FSTL5: variants seen among roughly 807,000 people sequenced by gnomAD.
FSTL5 encodes the protein follistatin like 5, also known as follistatin-related protein 5.
A neutral mutation model predicts 89.1 loss-of-function variants in FSTL5; 62 were observed. That is an observed-to-expected ratio of 0.70 (90% confidence interval 0.57 to 0.86). The LOEUF is 0.86. Ranked by LOEUF, FSTL5 falls within the 40% of genes least tolerant of loss-of-function variation. The pLI, the probability that FSTL5 is intolerant of heterozygous loss-of-function variation, is 0.00. For synonymous variants in FSTL5, 383 were observed against 346.2 expected (o/e 1.11, Z -1.18); for missense variants, 1,057 against 1,001.6 (o/e 1.06, Z -0.75).
chr4:161,514,511 G>A (rs577075819), intron 10 of FSTL5, among the ~76,000 whole-genome samples: 3 of 152,124 alleles, frequency 2.0e-5, no homozygotes, highest in Non-Finnish European at 4.4e-5. Flanking sequence ...TGGGTACAAT[G>A]TTTACTATTC....
At chr4:161,835,590 C>T (rs1044438314) in intron 4 of FSTL5, among the ~76,000 whole-genome samples, 2 of 151,852 alleles carry the variant, frequency 1.3e-5, no homozygotes, top group Non-Finnish European at 2.9e-5. Context: ...CTACAATGAA[C>T]TCAAACAAAT....
At chr4:161,405,924 T>A (rs906623354) in intron 15 of FSTL5, among the ~76,000 whole-genome samples, 1 of 152,116 alleles carries the variant, frequency 6.6e-6, no homozygotes, top group African/African-American at 2.4e-5. Flanking sequence ...GAATTCCATA[T>A]CTCACAAAAC....
chr4:161,732,390 A>T (rs758574395), intron 6 of FSTL5, among the ~76,000 whole-genome samples: 12 of 152,006 alleles, frequency 7.9e-5, no homozygotes, highest in Non-Finnish European at 1.5e-4. Context: ...TTCTTTTTTA[A>T]ATGAAGTATT....
chr4:161,473,770 T>G (rs938801047), intron 13 of FSTL5, among the ~76,000 whole-genome samples: 2 of 152,180 alleles, frequency 1.3e-5, no homozygotes, highest in Non-Finnish European at 1.5e-5. Context: ...TATATTAGTA[T>G]AGTTACCTCT....
chr4:161,930,489 C>T (rs1182174322), intron 3 of FSTL5, among the ~76,000 whole-genome samples: 1 of 150,910 alleles, frequency 6.6e-6, no homozygotes, highest in African/African-American at 2.5e-5. Flanking sequence ...AATATTATAT[C>T]AGTCATTTTT....
rs372380114 is a variant in FSTL5 at position 161,455,136 on chromosome 4, G to T, written c.1717-8C>A. ...ACTGGCCAGGGTAATTACCTAAAGA[G>T]AACACACCTTGGTTAGACCTCAACA... On this transcript the variant is annotated splice_polypyrimidine_tract_variant and splice_region_variant and intron_variant, in intron 14 of 15. Coordinates refer to ENST00000306100, the MANE Select transcript of FSTL5 (RefSeq NM_020116.5). The T allele has an allele frequency of 1.5e-4, 245 of 1,594,708 alleles. 6 individuals are homozygous for T. In the Middle Eastern group the frequency reaches 9.4e-3, roughly 61 times the overall value.
At chr4:161,687,186 A>G (rs1398190455) in intron 6 of FSTL5, among the ~76,000 whole-genome samples, 2 of 152,228 alleles carry the variant, frequency 1.3e-5, no homozygotes, top group Non-Finnish European at 2.9e-5. Context: ...TGATTTAAGA[A>G]CAATGGCTAG....
intron 7 of FSTL5, among the ~76,000 whole-genome samples, chr4:161,598,735 G>T (rs1161370603): frequency 6.6e-6 from 1 of 151,960 alleles, no homozygotes. Flanking sequence ...GAGAAAGATT[G>T]GTCTATTAAG....
rs59511238 is a variant in FSTL5, at chr4:161,566,100, CTATATATATATATATATATA to C, written c.1015+21335_1015+21354del. On this transcript the variant is annotated intron_variant, in intron 8 of 15. Transcript: ENST00000306100. Reference sequence around the variant, plus strand: ...TATTGTTTTTTTCTTTTTTTTTGGACTATATATATATATATATATATATATATATATATATACACACACAC... The same window carrying C: ...TATTGTTTTTTTCTTTTTTTTTGGACTATATATATATATATACACACACAC... 1.3e-4 allele frequency among the ~76,000 whole-genome samples: 7 copies of C among 54,064 alleles called. No individual in the cohort carries two copies. In the East Asian group the frequency reaches 2.2e-3, roughly 17 times the overall value. The allele number at this position is 54,064 out of a possible 152,430, so 35.5% of individuals were successfully genotyped here.
intron 4 of FSTL5, among the ~76,000 whole-genome samples, chr4:161,837,001 A>C (rs74957811): frequency 6.6e-6 from 1 of 152,116 alleles, no homozygotes; most frequent in Non-Finnish European, 1.5e-5. Context: ...GTGCCATCCA[A>C]TTGAAGGCAC....
rs558577095 is a variant in FSTL5 at position 161,505,319 on chromosome 4, A to G, written c.1339+5079T>C. 3.9e-5 allele frequency among the ~76,000 whole-genome samples: 6 copies of G among 152,298 alleles called. No homozygotes were observed. The South Asian group carries it at 6.2e-4, about 16-fold the overall frequency. On this transcript the variant is annotated intron_variant, in intron 11 of 15. Coordinates refer to ENST00000306100, the MANE Select transcript of FSTL5 (RefSeq NM_020116.5). ...GTCTTTGTACACAGAGCAAAATCAT[A>G]CCATTGCACCTCAATAAAGTCTTTA...
At chr4:161,790,935 G>T (rs1215290231) in intron 4 of FSTL5, among the ~76,000 whole-genome samples, 2 of 152,130 alleles carry the variant, frequency 1.3e-5, no homozygotes, top group Admixed American at 1.3e-4. Context: ...GACAGTATTT[G>T]GGTTCATACT....
At chr4:161,839,933 G>C (rs917889626) in intron 4 of FSTL5, among the ~76,000 whole-genome samples, 1 of 152,200 alleles carries the variant, frequency 6.6e-6, no homozygotes, top group Non-Finnish European at 1.5e-5. Flanking sequence ...AGGAGAGCAT[G>C]TAGAAAGAAA....
chr4:161,470,202 C>T (rs566394813), intron 13 of FSTL5, among the ~76,000 whole-genome samples: 1 of 152,112 alleles, frequency 6.6e-6, no homozygotes, highest in African/African-American at 2.4e-5. Context: ...ATTTTTTGCT[C>T]TTTCGTCTAA....
At chr4:161,636,584 G>A (rs1403092813) in intron 7 of FSTL5, among the ~76,000 whole-genome samples, 1 of 149,512 alleles carries the variant, frequency 6.7e-6, no homozygotes, top group Non-Finnish European at 1.5e-5. Flanking sequence ...CTAGCATTAG[G>A]TATATCTCCC....
At chr4:161,590,578 A>T (rs186106017) in intron 7 of FSTL5, among the ~76,000 whole-genome samples, 4 of 152,270 alleles carry the variant, frequency 2.6e-5, no homozygotes, top group Admixed American at 6.5e-5. Flanking sequence ...GATTAAAATA[A>T]TGGGTAGAGG....
chr4:161,623,776 G>T (rs190575785), intron 7 of FSTL5, among the ~76,000 whole-genome samples: 1 of 151,686 alleles, frequency 6.6e-6, no homozygotes, highest in Non-Finnish European at 1.5e-5. Context: ...AAAGCCTACC[G>T]CTTTTTCATT....
intron 15 of FSTL5, among the ~76,000 whole-genome samples, chr4:161,405,081 G>A (rs10004589): frequency 0.16 from 23,666 of 151,414 alleles, 1,955 homozygotes; most frequent in East Asian, 0.24. Context: ...AAATACAAAA[G>A]AATTAGCTAG....
chr4:161,850,379 C>A (rs1250782696), intron 4 of FSTL5, among the ~76,000 whole-genome samples: 1 of 152,114 alleles, frequency 6.6e-6, no homozygotes, highest in African/African-American at 2.4e-5. Context: ...AACATTCAGC[C>A]ATTTAATTAT....
Sources: allele counts gnomAD v4.1 joint callset (sites outside exome capture counted in the v4.1 genomes callset), GRCh38; gene constraint gnomAD v4.1.1; transcripts MANE v1.5; gene names NCBI Gene and HGNC (gene_info 2026-07-23, HGNC 2026-07-21).